LRRC4C: variants seen among roughly 807,000 people sequenced by gnomAD.
The protein encoded by LRRC4C is leucine rich repeat containing 4C, also known as leucine-rich repeat-containing protein 4C.
Under a neutral mutation model 33.6 loss-of-function variants are expected in LRRC4C, and 5 were observed. The observed-to-expected ratio is 0.15, with a 90% CI of 0.08 to 0.31. The LOEUF is 0.31. Ranked by LOEUF, LRRC4C falls within the 10% of genes least tolerant of loss-of-function variation. LRRC4C has a pLI of 1.00. For synonymous variants in LRRC4C, 329 were observed against 302.0 expected, an observed-to-expected ratio of 1.09 and a Z score of -0.93; for missense variants, 560 against 796.7, an observed-to-expected ratio of 0.70 and a Z score of 3.58.
intron 3 of LRRC4C, among the ~76,000 whole-genome samples, chr11:40,563,664 G>T (rs79838193): frequency 0.022 from 3,348 of 152,170 alleles, 127 homozygotes; most frequent in African/African-American, 0.076. Context: ...GTACATTCTC[G>T]AGCCTGGCAG....
At chr11:40,303,633 T>C (rs1944888112) in intron 4 of LRRC4C, among the ~76,000 whole-genome samples, 2 of 152,166 alleles carry the variant, frequency 1.3e-5, no homozygotes, top group African/African-American at 2.4e-5. Context: ...AATTTGTGAT[T>C]AATTCTTATA....
In LRRC4C at chr11:41,446,771, A is replaced by G. The variant is rs564164496; in HGVS notation, c.-496+12660T>C. Among the ~76,000 whole-genome samples, 4 of 152,250 alleles carry G rather than the reference A, an allele frequency of 2.6e-5. No individual in the cohort carries two copies. The South Asian group carries it at 8.3e-4, about 32-fold the overall frequency. On this transcript the variant is annotated intron_variant, in intron 1 of 6. Transcript: ENST00000528697. The stretch of plus-strand genomic sequence containing the variant: ...GAATGCACATACCAGGATATGTGGA[A>G]TTTGTGGCCTTATTTTTCTATTTAT...
At chr11:41,361,509 C>A (rs1174114920) in intron 1 of LRRC4C, among the ~76,000 whole-genome samples, 2 of 152,192 alleles carry the variant, frequency 1.3e-5, no homozygotes, top group Non-Finnish European at 2.9e-5. Context: ...ACATTTCCTT[C>A]TAAGCATTCT....
At chr11:40,419,947 G>A (rs1297028654) in intron 3 of LRRC4C, among the ~76,000 whole-genome samples, 1 of 152,202 alleles carries the variant, frequency 6.6e-6, no homozygotes, top group Non-Finnish European at 1.5e-5. Context: ...ACTCTTTGGG[G>A]AGGATAGATA....
intron 2 of LRRC4C, among the ~76,000 whole-genome samples, chr11:40,859,213 G>A (rs1238511610): frequency 6.6e-6 from 1 of 152,156 alleles, no homozygotes; most frequent in Non-Finnish European, 1.5e-5. Context: ...AGGTTCTAGA[G>A]TCCAAGCCAT....
intron 2 of LRRC4C, among the ~76,000 whole-genome samples, chr11:40,900,675 A>G (rs999125181): frequency 1.3e-5 from 2 of 151,842 alleles, no homozygotes; most frequent in Non-Finnish European, 2.9e-5. Flanking sequence ...TCAACACCAA[A>G]TCTACTAAAT....
At chr11:41,291,099 A>C (rs1037049880) in intron 1 of LRRC4C, among the ~76,000 whole-genome samples, 1 of 152,224 alleles carries the variant, frequency 6.6e-6, no homozygotes, top group African/African-American at 2.4e-5. Context: ...GTGCAAGAGA[A>C]AATAAATTAT....
At chr11:41,187,030 C>A (rs989011574) in intron 1 of LRRC4C, among the ~76,000 whole-genome samples, 1 of 152,088 alleles carries the variant, frequency 6.6e-6, no homozygotes, top group South Asian at 2.1e-4. Context: ...GCAGAGTGAC[C>A]TTGGACATGT....
chr11:40,927,659 T>A (rs528550168), intron 2 of LRRC4C, among the ~76,000 whole-genome samples: 1 of 152,336 alleles, frequency 6.6e-6, no homozygotes, highest in South Asian at 2.1e-4. Flanking sequence ...TATAGTTGGT[T>A]GATTTTCCTA....
intron 1 of LRRC4C, among the ~76,000 whole-genome samples, chr11:41,182,126 A>G (rs1210928110): frequency 6.6e-6 from 1 of 152,208 alleles, no homozygotes; most frequent in African/African-American, 2.4e-5. Context: ...TACTTTTTTA[A>G]AGCAATTATA....
intron 2 of LRRC4C, among the ~76,000 whole-genome samples, chr11:40,859,893 G>A (rs1953991078): frequency 1.3e-5 from 2 of 151,938 alleles, no homozygotes; most frequent in Non-Finnish European, 2.9e-5. Context: ...TGGCTAACAC[G>A]GTGAAACCCC....
At chr11:40,602,535 T>A (rs7128140) in intron 3 of LRRC4C, among the ~76,000 whole-genome samples, 1 of 150,982 alleles carries the variant, frequency 6.6e-6, no homozygotes, top group Non-Finnish European at 1.5e-5. Flanking sequence ...TATCACAATA[T>A]AGAAAAAAAT....
At chr11:40,902,983 A>G (rs527259456) in intron 2 of LRRC4C, among the ~76,000 whole-genome samples, 53 of 152,248 alleles carry the variant, frequency 3.5e-4, no homozygotes, top group Non-Finnish European at 1.9e-4. Context: ...AGGTAGCTAC[A>G]TCAAACAACA....
intron 5 of LRRC4C, among the ~76,000 whole-genome samples, chr11:40,148,989 G>T (rs948758687): frequency 3.3e-5 from 5 of 152,106 alleles, no homozygotes; most frequent in African/African-American, 9.7e-5. Flanking sequence ...TCAGATAGTT[G>T]TAGGAGTGCA....
At position 41,165,195 on chromosome 11, in the gene LRRC4C, A is replaced by G. The variant is rs541444056; in HGVS notation, c.-495-231472T>C. On this transcript the variant is annotated intron_variant, in intron 1 of 6. Transcript: ENST00000528697. Reference sequence around the variant, plus strand: ...CCCCTGGTCCCACCTTTCTCTCTCAAACTGTCTTTTTCTCAATCCTTTGAC... The same window carrying G: ...CCCCTGGTCCCACCTTTCTCTCTCAGACTGTCTTTTTCTCAATCCTTTGAC... Among the ~76,000 whole-genome samples the G allele has an allele frequency of 1.8e-4, 28 of 151,712 alleles. 1 individual carries two copies. In the South Asian group the frequency reaches 5.4e-3, roughly 29 times the overall value.
chr11:40,729,330 A>T (rs961319550), intron 2 of LRRC4C, among the ~76,000 whole-genome samples: 1 of 152,196 alleles, frequency 6.6e-6, no homozygotes, highest in Non-Finnish European at 1.5e-5. Context: ...ACTATGGATG[A>T]CACTGAAGAA....
chr11:41,224,796 T>C (rs1361457046), intron 1 of LRRC4C, among the ~76,000 whole-genome samples: 2 of 152,146 alleles, frequency 1.3e-5, no homozygotes, highest in East Asian at 3.9e-4. Context: ...TCTTGTATGG[T>C]GTACATGATG....
intron 2 of LRRC4C, among the ~76,000 whole-genome samples, chr11:40,856,631 GA>G (rs1953798296): frequency 6.6e-6 from 1 of 152,186 alleles, no homozygotes; most frequent in South Asian, 2.1e-4. Context: ...TGGCATTTCA[GA>G]AGCAGCATAT....
intron 4 of LRRC4C, among the ~76,000 whole-genome samples, chr11:40,284,212 T>C (rs1045462911): frequency 6.6e-6 from 1 of 152,108 alleles, no homozygotes; most frequent in African/African-American, 2.4e-5. Context: ...CCTAGGTAAA[T>C]GGATTAGCTC....
Sources: gnomAD v4.1 joint callset for allele counts (sites outside exome capture counted in the v4.1 genomes callset) on GRCh38, gnomAD v4.1.1 for gene constraint, MANE v1.5 for transcripts, NCBI Gene and HGNC (gene_info 2026-07-23, HGNC 2026-07-21) for gene names.